The following ZNF366 variants were observed in gnomAD, a reference collection of about 807,000 sequenced individuals.
The protein encoded by ZNF366 is dendritic cell-specific transcript protein.
ZNF366 carries 20 observed loss-of-function variants against 47.2 expected under a neutral mutation model. That is an observed-to-expected ratio of 0.42 (90% CI 0.30 to 0.62). The LOEUF (loss-of-function observed/expected upper bound fraction) is 0.62, where lower values mean the gene tolerates loss of function less well. Ranked by LOEUF, ZNF366 falls within the 20% of genes least tolerant of loss-of-function variation. ZNF366 has a pLI of 0.16. For missense variants in ZNF366, 987 were observed against 976.3 expected (o/e 1.01, Z -0.15); for synonymous variants, 421 against 395.1 (o/e 1.07, Z -0.78).
At chr5:72,463,959 C>T (rs542304830) in intron 1 of ZNF366, among the ~76,000 whole-genome samples, 45 of 152,240 alleles carry the variant, frequency 3.0e-4, no homozygotes, top group East Asian at 1.7e-3. Context: ...GGAACACAGT[C>T]GGTTTATAAC....
chr5:72,447,351 T>A lies in ZNF366; in HGVS notation c.1591A>T (p.Lys531Ter). Residue 531 changes from lysine to a stop codon, truncating the protein, a stop_gained, in exon 4 of 5, where the codon AAA becomes TAA. Coordinates refer to ENST00000318442, the MANE Select transcript of ZNF366 (RefSeq NM_152625.3). LOFTEE classifies it high-confidence loss of function. ...GGGCAATAGAGGCACTTGAAGGGTT[T>A]GCTGTCTGAGTGCAGGTGCATGTGG... ...MGHMHLHSDS[K>*]PFKCLYCPSK... 1 of 1,614,238 alleles carries A rather than the reference T, an allele frequency of 6.2e-7. No homozygotes were observed. The highest frequency in any genetic ancestry group is 8.5e-7 in the Non-Finnish European group (1 of 1,180,042).
chr5:72,449,038 G>T (rs541017997), intron 3 of ZNF366, among the ~76,000 whole-genome samples: 2 of 152,252 alleles, frequency 1.3e-5, no homozygotes, highest in Non-Finnish European at 2.9e-5. Context: ...TGAAAATGGT[G>T]ACCTAAGAGG....
At chr5:72,458,012 CTTTTTT>C (rs1228705988) in intron 2 of ZNF366, among the ~76,000 whole-genome samples, 8 of 97,044 alleles carry the variant, frequency 8.2e-5, no homozygotes, top group South Asian at 3.8e-4. Flanking sequence ...TAGCATCTTT[CTTTTTT>C]TTTTTTTTTT....
rs1742857012 is a variant in ZNF366 at position 72,441,717 on chromosome 5, A to C, written c.*2039T>G. 6.6e-6 allele frequency: 1 copy of C among 152,392 alleles called. No homozygotes were observed. Among genetic ancestry groups the C allele is most frequent in the Non-Finnish European group, 1.5e-5 (1 of 68,162 alleles). The allele number at this position is 152,392 out of a possible 1,614,324, so 9.4% of individuals were successfully genotyped here. Reference sequence around the variant, plus strand: ...TGGCCTACAGAAAAGGCCAGCCCCCAGCAGTTGGAGATGGACATGTCTTCT... The same window carrying C: ...TGGCCTACAGAAAAGGCCAGCCCCCCGCAGTTGGAGATGGACATGTCTTCT... On this transcript the variant is annotated 3_prime_UTR_variant, in exon 5 of 5. Transcript: ENST00000318442.
chr5:72,479,204 A>G (rs777289956), intron 1 of ZNF366, among the ~76,000 whole-genome samples: 3 of 152,122 alleles, frequency 2.0e-5, no homozygotes, highest in South Asian at 2.1e-4. Context: ...CCTTGCCCCT[A>G]TGATTTTTTA....
At chr5:72,449,248 G>GTT (rs34857525) in intron 3 of ZNF366, among the ~76,000 whole-genome samples, 26,333 of 143,980 alleles carry the variant, frequency 0.18, 2,722 homozygotes, top group Non-Finnish European at 0.23. Flanking sequence ...TGGCTGAAAG[G>GTT]TTTTTTTTTT....
At position 72,440,293 on chromosome 5, in the gene ZNF366, T is replaced by G. The variant is rs1159791858; in HGVS notation, c.*3463A>C. On this transcript the variant is annotated 3_prime_UTR_variant, in exon 5 of 5. Coordinates refer to ENST00000318442, the MANE Select transcript of ZNF366 (RefSeq NM_152625.3). ...CTTGTGGGTTTATGAAAGGTCAGCC[T>G]TAGTCTCATGGCCGGTGGGGAGTCA... The G allele has an allele frequency of 6.6e-6, 1 of 152,196 alleles. No individual in the cohort carries two copies. The highest frequency in any genetic ancestry group is 1.5e-5 in the Non-Finnish European group (1 of 68,028). 9.4% of individuals were successfully genotyped at this position (152,196 alleles called of 1,614,324 possible). A position where few individuals can be genotyped will look rare whatever the true frequency, so the allele number is the denominator to read the frequency against.
Position 72,490,611 on chromosome 5 carries a change from G to A in ZNF366, c.-15+16640C>T, listed in dbSNP as rs563868117. 7.9e-5 allele frequency among the ~76,000 whole-genome samples: 12 copies of A among 152,312 alleles called. No homozygotes were observed. The South Asian group carries it at 2.3e-3, about 29-fold the overall frequency. On this transcript the variant is annotated intron_variant, in intron 1 of 4. Coordinates refer to ENST00000318442, the MANE Select transcript of ZNF366 (RefSeq NM_152625.3). ...ATGGAGGGACAATGGCAAGAAGACA[G>A]TGGTGGCCCTGGCCTTCTCAATGGG...
intron 1 of ZNF366, among the ~76,000 whole-genome samples, chr5:72,483,680 A>C (rs1743832175): frequency 6.6e-6 from 1 of 152,168 alleles, no homozygotes; most frequent in Non-Finnish European, 1.5e-5. Flanking sequence ...ACAGCCTTTC[A>C]CTTCTAGATA....
chr5:72,444,609 A>T (rs970198933), intron 4 of ZNF366, among the ~76,000 whole-genome samples: 89 of 150,636 alleles, frequency 5.9e-4, no homozygotes, highest in Non-Finnish European at 1.0e-3. Flanking sequence ...ATATCACCAT[A>T]TTTTTTTTTT....
intron 3 of ZNF366, among the ~76,000 whole-genome samples, chr5:72,448,759 T>C (rs891951127): frequency 2.0e-5 from 3 of 152,176 alleles, no homozygotes; most frequent in Non-Finnish European, 4.4e-5. Context: ...AATAATTTCA[T>C]TAGTTGGCTA....
intron 1 of ZNF366, among the ~76,000 whole-genome samples, chr5:72,491,318 T>C (rs1744003631): frequency 1.3e-5 from 2 of 152,186 alleles, no homozygotes; most frequent in South Asian, 4.1e-4. Flanking sequence ...CTTCCTCATT[T>C]TTAGGTTGCA....
intron 1 of ZNF366, among the ~76,000 whole-genome samples, chr5:72,478,765 A>G (rs1369629585): frequency 1.3e-5 from 2 of 152,208 alleles, no homozygotes; most frequent in African/African-American, 4.8e-5. Context: ...GGCACCTGCC[A>G]GGGAACTGGC....
chr5:72,464,491 A>G (rs1743392441), intron 1 of ZNF366, among the ~76,000 whole-genome samples: 1 of 152,044 alleles, frequency 6.6e-6, no homozygotes, highest in Admixed American at 6.6e-5. Flanking sequence ...AAGCATATTT[A>G]TTTTCAGCAT....
rs1466961228 is a variant in ZNF366, at chr5:72,456,505, G to A, written c.1423C>T (p.Arg475Cys). The change falls in exon 3 of 5, where the codon CGC becomes TGC. Residue 475 changes from arginine to cysteine, a missense_variant. Physicochemically the swap from Arg to Cys is radical, Grantham distance 180. Around this residue, in one of 3 missense-constraint regions of ZNF366, gnomAD observed 111 missense variants for 180.5 expected, o/e 0.61. Transcript: ENST00000318442. The part of the protein sequence containing the change: ...KRHVLIHTNI[R>C]AYQCHLCYKS... Reference sequence around the variant, plus strand: ...TAGCAGAGGTGACACTGGTAGGCGCGGATGTTGGTGTGGATCAGCACGTGT... The same window carrying A: ...TAGCAGAGGTGACACTGGTAGGCGCAGATGTTGGTGTGGATCAGCACGTGT... 4.3e-6 allele frequency: 7 copies of A among 1,613,930 alleles called. No homozygotes were observed. The highest frequency in any genetic ancestry group is 5.1e-6 in the Non-Finnish European group (6 of 1,179,928).
intron 1 of ZNF366, among the ~76,000 whole-genome samples, chr5:72,462,700 G>A (rs549226775): frequency 3.9e-5 from 6 of 151,946 alleles, no homozygotes; most frequent in South Asian, 2.1e-4. Context: ...ACAGGTGTGC[G>A]CCACCACGCC....
At chr5:72,473,034 G>A (rs1469983814) in intron 1 of ZNF366, among the ~76,000 whole-genome samples, 1 of 152,086 alleles carries the variant, frequency 6.6e-6, no homozygotes, top group Non-Finnish European at 1.5e-5. Context: ...TTGAAGCCAG[G>A]GACCATTTCC....
chr5:72,498,859 A>C (rs553391698), intron 1 of ZNF366, among the ~76,000 whole-genome samples: 1 of 152,348 alleles, frequency 6.6e-6, no homozygotes. Flanking sequence ...TATTGCTTGA[A>C]GAGCAAATAC....
rs541080224 is a variant in ZNF366 at position 72,467,163 on chromosome 5, G to A, written c.-14-5653C>T. Among the ~76,000 whole-genome samples, 7 of 152,230 alleles carry A rather than the reference G, an allele frequency of 4.6e-5. No homozygotes were observed. The East Asian group carries it at 7.7e-4, about 17-fold the overall frequency. ...AATAATCATACATTTTCATTGTTAC[G>A]GTCAGACATTTTTCTAAGGTCCCTG... On this transcript the variant is annotated intron_variant, in intron 1 of 4. Coordinates refer to ENST00000318442, the MANE Select transcript of ZNF366 (RefSeq NM_152625.3).
Sources: allele counts gnomAD v4.1 joint callset (sites outside exome capture counted in the v4.1 genomes callset), GRCh38; gene constraint gnomAD v4.1.1; regional missense constraint gnomAD v4.1.1; transcripts MANE v1.5; gene names NCBI Gene and HGNC (gene_info 2026-07-23, HGNC 2026-07-21).